The following TGFBI variants were observed in gnomAD, a reference collection of about 807,000 sequenced individuals.
TGFBI encodes transforming growth factor-beta-induced protein ig-h3.
A neutral mutation model predicts 73.7 loss-of-function variants in TGFBI; 50 were observed. That is an observed-to-expected ratio of 0.68 (90% confidence interval 0.54 to 0.86). TGFBI has a LOEUF of 0.86. Ranked by LOEUF, TGFBI falls within the 40% of genes least tolerant of loss-of-function variation. TGFBI has a pLI of 0.00. For missense variants in TGFBI, 839 were observed against 877.0 expected (o/e 0.96, Z 0.55); for synonymous variants, 362 against 360.5 (o/e 1.00, Z -0.05).
chr5:136,042,672 AG>A (rs1751360548), intron 2 of TGFBI, among the ~76,000 whole-genome samples: 1 of 136,000 alleles, frequency 7.4e-6, no homozygotes, highest in Admixed American at 7.4e-5. Flanking sequence ...GGAAGCAAAC[AG>A]GAAAAAAAAA....
chr5:136,053,190 G>A, intron 8 of TGFBI, 71 bp downstream of exon 8: 4 of 1,477,336 alleles, frequency 2.7e-6, no homozygotes, highest in Non-Finnish European at 3.7e-6. Flanking sequence ...TGTGGCGGGG[G>A]AGGGGAAATT....
rs1751164209 is a variant in TGFBI at position 136,033,749 on chromosome 5, G to C, written c.135-14G>C. The C allele has an allele frequency of 1.2e-6, 2 of 1,611,868 alleles. No individual in the cohort carries two copies. The highest frequency in any genetic ancestry group is 2.7e-5 in the African/African-American group (2 of 74,882). On this transcript the variant is annotated splice_polypyrimidine_tract_variant and intron_variant, in intron 1 of 16. Transcript: ENST00000442011. ...TGCTGATCATCTTCCTAATTCTGCT[G>C]CTTTTGTTTTCAGCCCCAACGTGTG...
At chr5:136,046,623 T>G in intron 4 of TGFBI, 128 bp downstream of exon 4, 2 of 1,320,206 alleles carry the variant, frequency 1.5e-6, no homozygotes, top group Non-Finnish European at 2.0e-6. Flanking sequence ...CCTTAACCCC[T>G]TAGAAAAGGC....
intron 1 of TGFBI, 114 bp downstream of exon 1, chr5:136,029,303 A>G (rs1168612536): frequency 8.0e-7 from 1 of 1,250,340 alleles, no homozygotes; most frequent in Non-Finnish European, 1.0e-6. Context: ...AGCCCGAACT[A>G]AAAACCTTGC....
intron 7 of TGFBI, among the ~76,000 whole-genome samples, chr5:136,050,810 AG>A (rs1751520226): frequency 1.3e-5 from 2 of 152,246 alleles, no homozygotes; most frequent in South Asian, 2.1e-4. Flanking sequence ...TATTTCTGAA[AG>A]CACAGATGGG....
intron 1 of TGFBI, among the ~76,000 whole-genome samples, chr5:136,032,090 A>C (rs997406642): frequency 6.6e-6 from 1 of 152,202 alleles, no homozygotes; most frequent in Non-Finnish European, 1.5e-5. Context: ...TATGGCCAGC[A>C]AGGACTCTTC....
rs956501394 is a variant in TGFBI, at chr5:136,046,923, A to C, written c.532A>C (p.Arg178=). Residue 178 remains arginine (R), a synonymous_variant, in exon 5 of 17, where the codon AGG becomes CGG. Transcript: ENST00000442011. ...LNALRYHMVG[R]RVLTDELKHG... is the part of the protein sequence containing the mutation. ...TGCCCTCCGCTACCATATGGTGGGC[A>C]GGCGAGTCCTGACTGATGAGCTGAA... 11 of 1,613,706 alleles carry C rather than the reference A, an allele frequency of 6.8e-6. No homozygotes were observed. The highest frequency in any genetic ancestry group is 2.7e-5 in the African/African-American group (2 of 74,922).
intron 1 of TGFBI, among the ~76,000 whole-genome samples, chr5:136,030,720 C>G (rs983894813): frequency 2.6e-5 from 4 of 152,156 alleles, no homozygotes; most frequent in African/African-American, 9.7e-5. Flanking sequence ...GTCTCTCTGC[C>G]TTTCCTGCCA....
chr5:136,047,806 G>C (rs1251518668), intron 6 of TGFBI: 1 of 189,524 alleles, frequency 5.3e-6, no homozygotes, highest in African/African-American at 2.3e-5. Flanking sequence ...CCCCACCCTA[G>C]GACCCTGGTT....
At chr5:136,057,582 A>G (rs1045078801) in intron 12 of TGFBI, among the ~76,000 whole-genome samples, 3 of 151,982 alleles carry the variant, frequency 2.0e-5, no homozygotes, top group Non-Finnish European at 4.4e-5. Context: ...CGGGGGGAGC[A>G]GGAATGGGAG....
chr5:136,036,327 A>G (rs767738045), intron 2 of TGFBI, among the ~76,000 whole-genome samples: 17 of 152,184 alleles, frequency 1.1e-4, no homozygotes, highest in Non-Finnish European at 2.5e-4. Context: ...TTTACATTCA[A>G]CTCTTGAATT....
intron 14 of TGFBI, 47 bp from the exon 15 acceptor site, chr5:136,061,453 G>A (rs906210772): frequency 7.9e-6 from 11 of 1,400,140 alleles, no homozygotes; most frequent in Non-Finnish European, 1.1e-5. Flanking sequence ...TGAATGACAT[G>A]CTAATGGTTT....
Position 136,054,742 on chromosome 5 carries a change from A to T in TGFBI, c.1291A>T (p.Thr431Ser). The T allele has an allele frequency of 6.2e-7, 1 of 1,613,972 alleles. No homozygotes were observed. The highest frequency in any genetic ancestry group is 8.5e-7 in the Non-Finnish European group (1 of 1,179,880). Reference sequence around the variant, plus strand: ...TGGAACCCCTCCAATTGATGCCCATACAAGGAATTTGCTTCGGAACCACAT... The same window carrying T: ...TGGAACCCCTCCAATTGATGCCCATTCAAGGAATTTGCTTCGGAACCACAT... ...KDGTPPIDAH[T>S]RNLLRNHIIK... The change falls in exon 10 of 17, where the codon ACA becomes TCA. Residue 431 changes from threonine to serine, a missense_variant. Thr to Ser is a moderately conservative substitution (Grantham distance 58). Transcript: ENST00000442011.
rs750737209 is a variant in TGFBI, at chr5:136,061,492, C to T, written c.1907-8C>T. ...TCTGGTCAAACCTGCCTTTTCTTTC[C>T]TCTTCAGCCAACAGACCTCAGGAAA... is the stretch of plus-strand genomic sequence containing the variant. On this transcript the variant is annotated splice_region_variant and splice_polypyrimidine_tract_variant and intron_variant, in intron 14 of 16. Transcript: ENST00000442011. 2.1e-5 allele frequency: 34 copies of T among 1,595,792 alleles called. No individual in the cohort carries two copies. In the East Asian group the frequency reaches 7.7e-4, roughly 36 times the overall value.
chr5:136,046,802 T>C (rs1285623799), intron 4 of TGFBI, 49 bp from the exon 5 acceptor site: 2 of 1,582,580 alleles, frequency 1.3e-6, no homozygotes, highest in African/African-American at 2.7e-5. Context: ...ACCCATCTCT[T>C]AAACACAGAG....
In TGFBI at chr5:136,031,386, G is replaced by A. The variant is rs147843740; in HGVS notation, c.134+2197G>A. Among the ~76,000 whole-genome samples, 279 of 152,350 alleles carry A rather than the reference G, an allele frequency of 1.8e-3. 1 individual carries two copies. Among genetic ancestry groups the A allele is most frequent in the African/African-American group, 6.6e-3 (275 of 41,566 alleles). On this transcript the variant is annotated intron_variant, in intron 1 of 16. Coordinates refer to ENST00000442011, the MANE Select transcript of TGFBI (RefSeq NM_000358.3). Reference sequence around the variant, plus strand: ...CTTTGCTATTTTAAGGAATTGTAGCGTGCTGCCTGATATGAAGGAAGAAAT... The same window carrying A: ...CTTTGCTATTTTAAGGAATTGTAGCATGCTGCCTGATATGAAGGAAGAAAT...
chr5:136,049,127 G>A (rs1751486745), intron 6 of TGFBI: 2 of 275,876 alleles, frequency 7.2e-6, no homozygotes, highest in Admixed American at 4.7e-5. Context: ...TATTTTAGTG[G>A]AAGAATGAAT....
chr5:136,035,133 C>T (rs1375024502), intron 2 of TGFBI, among the ~76,000 whole-genome samples: 1 of 152,158 alleles, frequency 6.6e-6, no homozygotes, highest in East Asian at 1.9e-4. Context: ...GGGAGCCTGT[C>T]CAGGGCAGGT....
chr5:136,032,765 G>A (rs1039134954), intron 1 of TGFBI, among the ~76,000 whole-genome samples: 7 of 152,090 alleles, frequency 4.6e-5, no homozygotes, highest in East Asian at 1.9e-4. Context: ...GACTGACCAC[G>A]TAGCACAGCA....
Sources: gnomAD v4.1 joint callset for allele counts (sites outside exome capture counted in the v4.1 genomes callset) on GRCh38, gnomAD v4.1.1 for gene constraint, MANE v1.5 for transcripts, NCBI Gene and HGNC (gene_info 2026-07-23, HGNC 2026-07-21) for gene names.